Variants in POLA1 observed in about 807,000 individuals in gnomAD.
The protein encoded by POLA1 is DNA polymerase alpha 1, catalytic subunit.
Under a neutral mutation model 124.0 loss-of-function variants are expected in POLA1, and 15 were observed. That is an observed-to-expected ratio of 0.12 (90% CI 0.08 to 0.19). The LOEUF (loss-of-function observed/expected upper bound fraction) is 0.19, where lower values mean the gene tolerates loss of function less well. Among genes scored for constraint, POLA1 ranks in the 10% least tolerant of loss-of-function variants. The pLI is 1.00. For missense variants in POLA1, 886 were observed against 1,103.4 expected (o/e 0.80, Z 2.79); for synonymous variants, 408 against 389.4 (o/e 1.05, Z -0.56).
At chrX:24,882,074 G>A (rs928740239) in intron 34 of POLA1, among the ~76,000 whole-genome samples, 1 of 110,618 alleles carries the variant, frequency 9.0e-6, no homozygotes, top group African/African-American at 3.3e-5. Context: ...AAACCAGGGA[G>A]GAGGCTACTG....
chrX:24,789,665 T>C (rs944509785), intron 26 of POLA1, among the ~76,000 whole-genome samples: 12 of 111,884 alleles, frequency 1.1e-4, no homozygotes, highest in African/African-American at 3.9e-4. Context: ...CAGCTTGTTA[T>C]AAGCATGAGT....
At chrX:24,736,748 C>G (rs1931302113) in intron 18 of POLA1, among the ~76,000 whole-genome samples, 1 of 111,898 alleles carries the variant, frequency 8.9e-6, no homozygotes, top group South Asian at 3.7e-4. Context: ...ACAACCATCA[C>G]CACGATCCAT....
intron 26 of POLA1, among the ~76,000 whole-genome samples, chrX:24,756,010 C>G (rs1932582785): frequency 9.0e-6 from 1 of 111,527 alleles, no homozygotes; most frequent in African/African-American, 3.3e-5. Context: ...GGACACAGCC[C>G]TACCCATTTG....
intron 26 of POLA1, among the ~76,000 whole-genome samples, chrX:24,782,037 T>C (rs1488483098): frequency 2.7e-5 from 3 of 111,920 alleles, no homozygotes; most frequent in Non-Finnish European, 1.9e-5. Flanking sequence ...GAGGAGCTTA[T>C]ATTCTTAGAA....
intron 26 of POLA1, among the ~76,000 whole-genome samples, chrX:24,762,366 T>C (rs919818641): frequency 8.9e-6 from 1 of 112,228 alleles, no homozygotes; most frequent in African/African-American, 3.2e-5. Context: ...AATAATTATG[T>C]CATTCTGAAA....
At chrX:24,973,908 A>C (rs2048334110) in intron 36 of POLA1, among the ~76,000 whole-genome samples, 1 of 111,164 alleles carries the variant, frequency 9.0e-6, no homozygotes, top group East Asian at 2.8e-4. Context: ...AATGTCGTGA[A>C]TTTAGTATTT....
rs772110072 is a variant in POLA1 at position 24,833,900 on chromosome X, C to A, written c.3736+7299C>A. Among the ~76,000 whole-genome samples, 3 of 111,414 alleles carry A rather than the reference C, an allele frequency of 2.7e-5. No individual in the cohort carries two copies. The South Asian group carries it at 1.1e-3, about 42-fold the overall frequency. The stretch of plus-strand genomic sequence containing the variant: ...AGGAGTTCAAGACCAGCCTGGGCAA[C>A]ATAGCAAGACCCCATCTCTACAAAA... On this transcript the variant is annotated intron_variant, in intron 32 of 36. Coordinates refer to ENST00000379068, the MANE Select transcript of POLA1 (RefSeq NM_001330360.2).
chrX:24,908,805 G>A (rs772004118), intron 35 of POLA1, among the ~76,000 whole-genome samples: 7 of 111,526 alleles, frequency 6.3e-5, no homozygotes, highest in African/African-American at 1.6e-4. Context: ...CTGAGGAATC[G>A]CCACACTGAC....
At chrX:24,959,885 A>G (rs1372660987) in intron 36 of POLA1, among the ~76,000 whole-genome samples, 1 of 111,557 alleles carries the variant, frequency 9.0e-6, no homozygotes, top group Non-Finnish European at 1.9e-5. Flanking sequence ...TTATATTATT[A>G]TATTTCTACT....
At chrX:24,967,396 G>A (rs771978891) in intron 36 of POLA1, among the ~76,000 whole-genome samples, 1 of 110,934 alleles carries the variant, frequency 9.0e-6, no homozygotes, top group South Asian at 3.9e-4. Context: ...GAGGCTGGGC[G>A]CAGTGGCTCA....
At chrX:24,893,459 G>A (rs1333690482) in intron 35 of POLA1, among the ~76,000 whole-genome samples, 2 of 111,784 alleles carry the variant, frequency 1.8e-5, no homozygotes, top group South Asian at 3.7e-4. Context: ...GAACCATGCA[G>A]TGGCATTTAG....
chrX:24,719,463 C>G (rs1930061999), intron 10 of POLA1, among the ~76,000 whole-genome samples: 1 of 110,851 alleles, frequency 9.0e-6, no homozygotes, highest in Admixed American at 9.6e-5. Flanking sequence ...TGATTATACC[C>G]CCTCACCTCT....
At chrX:24,859,668 G>A (rs1417736425) in intron 34 of POLA1, among the ~76,000 whole-genome samples, 2 of 112,557 alleles carry the variant, frequency 1.8e-5, no homozygotes, top group Admixed American at 1.9e-4. Flanking sequence ...CACAAGCTGT[G>A]CTGTGTTGTG....
chrX:24,761,641 A>C (rs1569300008), intron 26 of POLA1, among the ~76,000 whole-genome samples: 1 of 112,254 alleles, frequency 8.9e-6, no homozygotes, highest in African/African-American at 3.2e-5. Flanking sequence ...GATAGCTGAT[A>C]ATCACAGGAA....
At chrX:24,846,855 A>C (rs1799133368) in intron 34 of POLA1, among the ~76,000 whole-genome samples, 1 of 112,153 alleles carries the variant, frequency 8.9e-6, no homozygotes, top group Admixed American at 9.4e-5. Flanking sequence ...CCACTGTTCT[A>C]ATTCATTCCT....
chrX:24,726,499 C>A (rs1047292174), intron 13 of POLA1, among the ~76,000 whole-genome samples: 1 of 112,316 alleles, frequency 8.9e-6, no homozygotes, highest in African/African-American at 3.2e-5. Context: ...TACCTCTGTT[C>A]TAGTGTTTTG....
At chrX:24,989,173 A>AG (rs886450306) in intron 36 of POLA1, among the ~76,000 whole-genome samples, 2 of 111,414 alleles carry the variant, frequency 1.8e-5, no homozygotes, top group African/African-American at 6.5e-5. Flanking sequence ...TTCTTAGTTG[A>AG]GGGGGGCAGT....
At chrX:24,853,933 T>G (rs1438230596) in intron 34 of POLA1, among the ~76,000 whole-genome samples, 1 of 112,388 alleles carries the variant, frequency 8.9e-6, no homozygotes, top group Non-Finnish European at 1.9e-5. Context: ...TAATAAAATT[T>G]TACTTTCATT....
chrX:24,818,191 A>G (rs891463037), intron 30 of POLA1, among the ~76,000 whole-genome samples: 2 of 109,985 alleles, frequency 1.8e-5, no homozygotes, highest in Non-Finnish European at 3.8e-5. Flanking sequence ...CTAAACCACC[A>G]GGAAGCATTT....
Sources: gnomAD v4.1 joint callset for allele counts (sites outside exome capture counted in the v4.1 genomes callset) on GRCh38, gnomAD v4.1.1 for gene constraint, MANE v1.5 for transcripts, NCBI Gene and HGNC (gene_info 2026-07-23, HGNC 2026-07-21) for gene names.